TCEA3: variants seen among roughly 807,000 people sequenced by gnomAD.
TCEA3 encodes the protein transcription elongation factor A3.
TCEA3 carries 36 observed loss-of-function variants against 44.0 expected under a neutral mutation model. The ratio of observed to expected loss-of-function variants is 0.82; its 90% CI spans 0.63 to 1.08. The LOEUF is 1.08. TCEA3 is among the 50% of genes least tolerant of loss of function. The probability of loss-of-function intolerance (pLI) is 0.00; values close to 1 mark genes in which losing one functional copy is unlikely to be tolerated. For missense variants in TCEA3, 392 were observed against 441.2 expected (o/e 0.89, Z 1.00); for synonymous variants, 162 against 159.7 (o/e 1.01, Z -0.11).
At chr1:23,393,743 G>A in intron 8 of TCEA3, 136 bp downstream of exon 8, 6 of 1,167,332 alleles carry the variant, frequency 5.1e-6, no homozygotes, top group Non-Finnish European at 5.9e-6. Context: ...AGAGCCCAGG[G>A]GGGAGGCTGA....
chr1:23,401,549 G>A (rs74440620), intron 5 of TCEA3, among the ~76,000 whole-genome samples: 7 of 152,142 alleles, frequency 4.6e-5, no homozygotes, highest in South Asian at 2.1e-4. Context: ...GTGAACTCGC[G>A]GGGCTGTTGG....
At chr1:23,383,027 C>T (rs1030617725) in intron 10 of TCEA3, among the ~76,000 whole-genome samples, 3 of 152,206 alleles carry the variant, frequency 2.0e-5, no homozygotes, top group African/African-American at 7.2e-5. Context: ...CGCCTGTAAT[C>T]CCAGCACTTT....
At position 23,419,132 on chromosome 1, in the gene TCEA3, GC is replaced by G; in HGVS notation, c.76del (p.Ala26ProfsTer5). The G allele has an allele frequency of 2.5e-6, 4 of 1,595,530 alleles. No homozygotes were observed. The highest frequency in any genetic ancestry group is 2.3e-5 in the East Asian group (1 of 44,074). ...GTGCAGCTTCTTCAGAAGGTCCAGG[GC>G]CCCTTCCTGTGGGAGGCCACAAGGT... is the stretch of plus-strand genomic sequence containing the variant. ...KMVARKNTEG[A>X]LDLLKKLHSC... On this transcript the variant is annotated frameshift_variant, in exon 2 of 11. Transcript: ENST00000450454. LOFTEE classifies it high-confidence loss of function.
intron 4 of TCEA3, among the ~76,000 whole-genome samples, chr1:23,412,885 G>A (rs1400006416): frequency 1.3e-5 from 2 of 152,154 alleles, no homozygotes; most frequent in African/African-American, 2.4e-5. Context: ...TTTGTATAAT[G>A]AATTATCATT....
chr1:23,413,285 C>T (rs534702785), intron 4 of TCEA3, among the ~76,000 whole-genome samples: 9 of 151,724 alleles, frequency 5.9e-5, no homozygotes, highest in Non-Finnish European at 8.8e-5. Context: ...CACAGGTGCA[C>T]GCCACCACGC....
rs906613658 is a variant in TCEA3 at position 23,387,361 on chromosome 1, C to T, written c.878G>A (p.Arg293His). The change falls in exon 9 of 11, where the codon CGT becomes CAT. Residue 293 changes from arginine (R) to histidine (H), a missense_variant. By Grantham distance (29) the Arg-to-His change is conservative. Coordinates refer to ENST00000450454, the MANE Select transcript of TCEA3 (RefSeq NM_003196.3). ...GCCAGTCTTGGCCATCTGGTGCTCACGGATGGCCTCCTGGGTCATGGCATT... is the reference window on the plus strand; with the variant it reads ...GCCAGTCTTGGCCATCTGGTGCTCATGGATGGCCTCCTGGGTCATGGCATT... The part of the protein sequence containing the change: ...LRNAMTQEAI[R>H]EHQMAKTGGT... The T allele has an allele frequency of 8.7e-6, 14 of 1,612,958 alleles. No homozygotes were observed. The highest frequency in any genetic ancestry group is 3.3e-5 in the South Asian group (3 of 90,790).
intron 5 of TCEA3, chr1:23,403,646 T>C (rs1010771092): frequency 9.2e-5 from 15 of 162,906 alleles, no homozygotes; most frequent in South Asian, 1.7e-4. Flanking sequence ...GAATTATCCA[T>C]CCAAGTTACT....
intron 7 of TCEA3, among the ~76,000 whole-genome samples, chr1:23,394,335 C>G (rs1639154110): frequency 6.6e-6 from 1 of 152,126 alleles, no homozygotes; most frequent in African/African-American, 2.4e-5. Flanking sequence ...TCAGGTGAGT[C>G]ACACAACCTC....
chr1:23,392,537 A>G (rs1201941040), intron 8 of TCEA3, among the ~76,000 whole-genome samples: 2 of 34,198 alleles, frequency 5.8e-5, no homozygotes, highest in African/African-American at 1.2e-4. Context: ...TCCACACATC[A>G]TACACGCCAC....
intron 4 of TCEA3, among the ~76,000 whole-genome samples, chr1:23,412,399 C>CAAAAA (rs1267820171): frequency 3.6e-5 from 2 of 55,632 alleles, no homozygotes; most frequent in African/African-American, 1.3e-4. Context: ...GACTCTGTCT[C>CAAAAA]AAAAAAAAAA....
intron 9 of TCEA3, 38 bp downstream of exon 9, chr1:23,387,235 C>T (rs1244763740): frequency 6.2e-7 from 1 of 1,606,166 alleles, no homozygotes; most frequent in South Asian, 1.1e-5. Flanking sequence ...GCCCCTGCGG[C>T]CTCCTGCACC....
At chr1:23,405,582 G>A (rs898090528) in intron 5 of TCEA3, among the ~76,000 whole-genome samples, 2 of 124,670 alleles carry the variant, frequency 1.6e-5, no homozygotes, top group African/African-American at 3.2e-5. Context: ...GCAACAGAGC[G>A]AGACTTCATC....
chr1:23,419,993 A>G (rs1339839672), intron 1 of TCEA3, among the ~76,000 whole-genome samples: 5 of 151,972 alleles, frequency 3.3e-5, no homozygotes, highest in African/African-American at 9.7e-5. Context: ...CCAGCCCCAA[A>G]AGCTTCTTCC....
intron 1 of TCEA3, chr1:23,419,467 G>C (rs1639994261): frequency 4.2e-6 from 1 of 238,328 alleles, no homozygotes; most frequent in Non-Finnish European, 8.0e-6. Flanking sequence ...TGTTGCTCGT[G>C]TGCCTGTAGC....
intron 7 of TCEA3, among the ~76,000 whole-genome samples, chr1:23,396,875 C>T (rs1639230190): frequency 6.6e-6 from 1 of 151,990 alleles, no homozygotes; most frequent in African/African-American, 2.4e-5. Context: ...TGTGATGGTG[C>T]ATGCCTGTAA....
chr1:23,394,653 T>C (rs1639164288), intron 7 of TCEA3, among the ~76,000 whole-genome samples: 1 of 152,224 alleles, frequency 6.6e-6, no homozygotes, highest in African/African-American at 2.4e-5. Flanking sequence ...CCTCTGTCCT[T>C]TCCCCTACAA....
At chr1:23,393,644 T>C (rs1405426789) in intron 8 of TCEA3, among the ~76,000 whole-genome samples, 1 of 152,222 alleles carries the variant, frequency 6.6e-6, no homozygotes, top group Non-Finnish European at 1.5e-5. Context: ...TCTATCTCAG[T>C]TGGTGTGAAC....
chr1:23,392,470 ACACAC>A (rs1639074960), intron 8 of TCEA3, among the ~76,000 whole-genome samples: 3 of 37,644 alleles, frequency 8.0e-5, no homozygotes, highest in Non-Finnish European at 1.6e-4. Context: ...CACACATCAT[ACACAC>A]CACACACTCC....
At chr1:23,402,742 G>A (rs1439294811) in intron 5 of TCEA3, among the ~76,000 whole-genome samples, 4 of 152,146 alleles carry the variant, frequency 2.6e-5, no homozygotes, top group African/African-American at 9.7e-5. Context: ...CCAGATTACA[G>A]GCTCCAGAGT....
Sources: gnomAD v4.1 joint callset for allele counts (sites outside exome capture counted in the v4.1 genomes callset) on GRCh38, gnomAD v4.1.1 for gene constraint, MANE v1.5 for transcripts, NCBI Gene and HGNC (gene_info 2026-07-23, HGNC 2026-07-21) for gene names.